The following PTPRG variants were observed in gnomAD, a reference collection of about 807,000 sequenced individuals.
The protein encoded by PTPRG is protein tyrosine phosphatase receptor type G, also known as receptor-type tyrosine-protein phosphatase gamma.
Under a neutral mutation model 165.3 loss-of-function variants are expected in PTPRG, and 102 were observed. That is an observed-to-expected ratio of 0.62 (90% CI 0.53 to 0.73). The LOEUF (loss-of-function observed/expected upper bound fraction) is 0.73. Among genes scored for constraint, PTPRG ranks in the 30% least tolerant of loss-of-function variants. The pLI is 0.00. For synonymous variants in PTPRG, 675 were observed against 669.5 expected, an observed-to-expected ratio of 1.01 and a Z score of -0.13; for missense variants, 1,866 against 1,861.4, an observed-to-expected ratio of 1.00 and a Z score of -0.05.
At chr3:61,928,199 G>A (rs899733557) in intron 2 of PTPRG, among the ~76,000 whole-genome samples, 1 of 152,160 alleles carries the variant, frequency 6.6e-6, no homozygotes, top group Non-Finnish European at 1.5e-5. Flanking sequence ...AGCTCCCTCT[G>A]GTTGCTCATA....
At chr3:62,022,116 C>G (rs1452422378) in intron 4 of PTPRG, among the ~76,000 whole-genome samples, 1 of 152,134 alleles carries the variant, frequency 6.6e-6, no homozygotes, top group African/African-American at 2.4e-5. Context: ...GCCAAGGCTG[C>G]TGTACGTGAC....
At chr3:62,060,758 C>G (rs931697670) in intron 4 of PTPRG, among the ~76,000 whole-genome samples, 1 of 152,150 alleles carries the variant, frequency 6.6e-6, no homozygotes, top group Non-Finnish European at 1.5e-5. Flanking sequence ...TGTTTTATCT[C>G]TATTCTTGCC....
chr3:62,295,751 G>GGCACAC lies in PTPRG; in HGVS notation c.*2444_*2445insGCACAC, dbSNP rs1703040651. The GGCACAC allele has an allele frequency of 6.6e-6, 1 of 152,084 alleles. No individual in the cohort carries two copies. Among genetic ancestry groups the GGCACAC allele is most frequent in the Non-Finnish European group, 1.5e-5 (1 of 67,994 alleles). The allele number at this position is 152,084 out of a possible 1,614,324, so 9.4% of individuals were successfully genotyped here. A position where few individuals can be genotyped will look rare whatever the true frequency, so the allele number is the denominator to read the frequency against. ...GCTACTTGCCCATCTTGCCAAAGTAGTCCAAACACACTTCAATGAGGACAG... is the reference window on the plus strand; with the variant it reads ...GCTACTTGCCCATCTTGCCAAAGTAGGCACACTCCAAACACACTTCAATGAGGACAG... On this transcript the variant is annotated 3_prime_UTR_variant, in exon 30 of 30. Coordinates refer to ENST00000474889, the MANE Select transcript of PTPRG (RefSeq NM_002841.4).
rs778846432 is a variant in PTPRG, at chr3:62,296,166, T to C, written c.*2859T>C. 6.6e-6 allele frequency: 1 copy of C among 152,044 alleles called. No homozygotes were observed. Among genetic ancestry groups the C allele is most frequent in the East Asian group, 1.9e-4 (1 of 5,182 alleles). 9.4% of individuals were successfully genotyped at this position (152,044 alleles called of 1,614,324 possible). A position where few individuals can be genotyped will look rare whatever the true frequency, so the allele number is the denominator to read the frequency against. On this transcript the variant is annotated 3_prime_UTR_variant, in exon 30 of 30. Transcript: ENST00000474889. ...TTTCTTATATGCGATAGCCAAGATA[T>C]CTTCTTTAATATGAAAAAAGTTAAT...
chr3:61,584,351 T>C (rs1365985069), intron 1 of PTPRG, among the ~76,000 whole-genome samples: 1 of 152,204 alleles, frequency 6.6e-6, no homozygotes, highest in African/African-American at 2.4e-5. Context: ...CCTAATCCTT[T>C]CTGTCATGTT....
At chr3:62,144,091 A>G (rs981656792) in intron 6 of PTPRG, among the ~76,000 whole-genome samples, 4 of 152,196 alleles carry the variant, frequency 2.6e-5, no homozygotes, top group African/African-American at 4.8e-5. Flanking sequence ...TTTACATATC[A>G]TCTATGGCTA....
chr3:61,862,307 G>GTGTCA (rs1395519709), intron 2 of PTPRG, among the ~76,000 whole-genome samples: 2 of 151,906 alleles, frequency 1.3e-5, no homozygotes, highest in Non-Finnish European at 2.9e-5. Flanking sequence ...TTGTCATGTA[G>GTGTCA]TGTAGTGGCC....
intron 5 of PTPRG, among the ~76,000 whole-genome samples, chr3:62,123,414 T>C (rs1181676529): frequency 1.3e-5 from 2 of 152,308 alleles, no homozygotes; most frequent in Non-Finnish European, 2.9e-5. Flanking sequence ...CACTGGCTAA[T>C]GTTTTTTATT....
At chr3:62,031,318 C>T (rs78822177) in intron 4 of PTPRG, among the ~76,000 whole-genome samples, 3,868 of 152,010 alleles carry the variant, frequency 0.025, 169 homozygotes, top group African/African-American at 0.088. Context: ...TTCTCTGAAA[C>T]GGAAAGAATA....
intron 2 of PTPRG, among the ~76,000 whole-genome samples, chr3:61,781,826 C>T (rs772291629): frequency 1.3e-5 from 2 of 151,118 alleles, no homozygotes; most frequent in Non-Finnish European, 2.9e-5. Flanking sequence ...CTCCCAGGCT[C>T]GAGCGATCCT....
At chr3:61,738,309 T>C (rs1489577200) in intron 1 of PTPRG, among the ~76,000 whole-genome samples, 16 of 100,040 alleles carry the variant, frequency 1.6e-4, no homozygotes, top group Admixed American at 8.1e-4. Flanking sequence ...TATATATATA[T>C]ATACATATAT....
At position 62,239,360 on chromosome 3, in the gene PTPRG, C is replaced by T. The variant is rs796191260; in HGVS notation, c.2376-4447C>T. Among the ~76,000 whole-genome samples the T allele has an allele frequency of 1.9e-3, 237 of 124,472 alleles. 1 individual carries two copies. The highest frequency in any genetic ancestry group is 0.011 in the South Asian group (40 of 3,804). The allele number at this position is 124,472 out of a possible 152,430, so 81.7% of individuals were successfully genotyped here. ...TTCTTTCTTTCTTTCTTTTTTCTTT[C>T]TTTTTTTTTTTTTTTTTTTGAGACC... On this transcript the variant is annotated intron_variant, in intron 14 of 29. Coordinates refer to ENST00000474889, the MANE Select transcript of PTPRG (RefSeq NM_002841.4).
At position 62,200,729 on chromosome 3, in the gene PTPRG, TAGACC is replaced by T. The variant is rs1576126827; in HGVS notation, c.1328-774_1328-770del. Among the ~76,000 whole-genome samples the T allele has an allele frequency of 3.3e-5, 5 of 152,280 alleles. No homozygotes were observed. In the East Asian group the frequency reaches 9.7e-4, roughly 29 times the overall value. On this transcript the variant is annotated intron_variant, in intron 10 of 29. Coordinates refer to ENST00000474889, the MANE Select transcript of PTPRG (RefSeq NM_002841.4). ...TAATGTATGGTTAATACGAAATCAT[TAGACC>T]ATTTAAAACAATTGGCAGTAGCTTA...
chr3:62,201,548 A>T lies in PTPRG; in HGVS notation c.1371A>T (p.Thr457=). ...TCCAAGGGACCAGAATAGTGAAAACAGGAGTGGTAAGTAGAGAATGGGAAA... is the reference window on the plus strand; with the variant it reads ...TCCAAGGGACCAGAATAGTGAAAACTGGAGTGGTAAGTAGAGAATGGGAAA... ...RIFQGTRIVK[T]GVPTASPASS... Residue 457 remains threonine (T), a synonymous_variant, in exon 11 of 30, where the codon ACA becomes ACT. Coordinates refer to ENST00000474889, the MANE Select transcript of PTPRG (RefSeq NM_002841.4). The T allele has an allele frequency of 6.2e-7, 1 of 1,611,236 alleles. No homozygotes were observed. Among genetic ancestry groups the T allele is most frequent in the Non-Finnish European group, 8.5e-7 (1 of 1,178,346 alleles).
chr3:62,206,885 C>T (rs889846052), intron 12 of PTPRG, among the ~76,000 whole-genome samples: 2 of 124,676 alleles, frequency 1.6e-5, no homozygotes, highest in Non-Finnish European at 3.1e-5. Flanking sequence ...GAGAAGATCA[C>T]ACCACTGACA....
intron 2 of PTPRG, among the ~76,000 whole-genome samples, chr3:61,988,405 A>G (rs893073743): frequency 1.3e-5 from 2 of 152,166 alleles, no homozygotes; most frequent in Non-Finnish European, 2.9e-5. Flanking sequence ...ATGGCAAATG[A>G]TTGGGTGGCA....
intron 17 of PTPRG, among the ~76,000 whole-genome samples, chr3:62,265,900 C>T (rs202205773): frequency 4.4e-4 from 61 of 137,918 alleles, no homozygotes; most frequent in African/African-American, 1.6e-3. Flanking sequence ...CTTATATACA[C>T]ACACACACAC....
intron 2 of PTPRG, among the ~76,000 whole-genome samples, chr3:61,965,033 A>G (rs772469001): frequency 1.1e-4 from 17 of 152,176 alleles, no homozygotes; most frequent in Non-Finnish European, 1.9e-4. Flanking sequence ...ACCTGAGGTC[A>G]GGAGTCCGAG....
chr3:62,056,418 AT>A (rs534334051), intron 4 of PTPRG, among the ~76,000 whole-genome samples: 114 of 148,798 alleles, frequency 7.7e-4, no homozygotes, highest in South Asian at 1.3e-3. Flanking sequence ...ACCTTATAAG[AT>A]TTTTTTTTTT....
Sources: gnomAD v4.1 joint callset for allele counts (sites outside exome capture counted in the v4.1 genomes callset) on GRCh38, gnomAD v4.1.1 for gene constraint, MANE v1.5 for transcripts, NCBI Gene and HGNC (gene_info 2026-07-23, HGNC 2026-07-21) for gene names.